Variants in COL4A1 observed in about 807,000 individuals in gnomAD.
COL4A1 encodes the protein collagen alpha-1(IV) chain.
A neutral mutation model predicts 216.6 loss-of-function variants in COL4A1; 40 were observed. That is an observed-to-expected ratio of 0.18 (90% CI 0.14 to 0.24). The LOEUF (loss-of-function observed/expected upper bound fraction) is 0.24. Among genes scored for constraint, COL4A1 ranks in the 10% least tolerant of loss-of-function variants. COL4A1 has a pLI of 1.00. For synonymous variants in COL4A1, 839 were observed against 810.7 expected, an observed-to-expected ratio of 1.03 and a Z score of -0.59; for missense variants, 1,628 against 2,196.8, an observed-to-expected ratio of 0.74 and a Z score of 5.18.
At chr13:110,180,108 T>C (rs1262458652) in intron 29 of COL4A1, among the ~76,000 whole-genome samples, 2 of 152,172 alleles carry the variant, frequency 1.3e-5, no homozygotes, top group Non-Finnish European at 2.9e-5. Context: ...TGGGCAGTGG[T>C]AACTTCCCTA....
Position 110,186,401 on chromosome 13 carries a change from T to C in COL4A1, c.1881A>G (p.Gly627=), listed in dbSNP as rs202093478. 182 of 1,613,328 alleles carry C rather than the reference T, an allele frequency of 1.1e-4. 2 individuals carry two copies. In the East Asian group the frequency reaches 3.5e-3, roughly 31 times the overall value. ...KGQAGFPGGP[G]SPGLPGPKGE... The stretch of plus-strand genomic sequence containing the variant: ...AGGCCTCACCTGGCAGGCCTGGGGA[T>C]CCAGGGCCTCCAGGAAAGCCTGCTT... Residue 627 remains glycine, a synonymous_variant, in exon 26 of 52, where the codon GGA becomes GGG. Coordinates refer to ENST00000375820, the MANE Select transcript of COL4A1 (RefSeq NM_001845.6).
chr13:110,161,516 A>G lies in COL4A1; in HGVS notation c.4463-147T>C. On this transcript the variant is annotated intron_variant, in intron 48 of 51. Transcript: ENST00000375820. ...AAATGTATAAAGGATTATGTAGGAC[A>G]TTTTTGATGAAAGGAAACAAAACCA... 2.9e-6 allele frequency: 3 copies of G among 1,029,448 alleles called. No individual in the cohort carries two copies. The South Asian group carries it at 4.3e-5, about 15-fold the overall frequency. 63.8% of individuals were successfully genotyped at this position (1,029,448 alleles called of 1,614,324 possible).
chr13:110,254,701 G>C (rs1436120703), intron 1 of COL4A1, among the ~76,000 whole-genome samples: 1 of 151,952 alleles, frequency 6.6e-6, no homozygotes, highest in Non-Finnish European at 1.5e-5. Context: ...CCCCAGAATA[G>C]CGACATCACT....
intron 1 of COL4A1, among the ~76,000 whole-genome samples, chr13:110,271,402 C>T (rs1233727880): frequency 6.6e-6 from 1 of 152,156 alleles, no homozygotes; most frequent in East Asian, 1.9e-4. Context: ...ACCACCTGAG[C>T]CAACCCTCAG....
Position 110,212,583 on chromosome 13 carries a change from T to C in COL4A1, c.315A>G (p.Pro105=). The change falls in exon 5 of 52, where the codon CCA becomes CCG. Residue 105 remains proline (P), a synonymous_variant. Transcript: ENST00000375820. ...CGTTTTCTATACATACGGGAAGTCC[T>C]GGGTTTCCAGGGTAGCCAGATGCTC... ...PPGASGYPGN[P]GLPGIPGQDG... 1.2e-6 allele frequency: 2 copies of C among 1,614,186 alleles called. No individual in the cohort carries two copies. Among genetic ancestry groups the C allele is most frequent in the Non-Finnish European group, 1.7e-6 (2 of 1,180,038 alleles).
In COL4A1 at chr13:110,268,753, C is replaced by T. The variant is rs992833761; in HGVS notation, c.85-26019G>A. ...AACACAACTGGGACAAGGAAATCAG[C>T]TGACTTCCAGGACCACACGCCTGGC... On this transcript the variant is annotated intron_variant, in intron 1 of 51. Transcript: ENST00000375820. This position sits in a 1 kb window ranked among gnomAD's most constrained non-coding sequence, Gnocchi z 4.1. 4.6e-5 allele frequency among the ~76,000 whole-genome samples: 7 copies of T among 152,326 alleles called. No individual in the cohort carries two copies. Among genetic ancestry groups the T allele is most frequent in the Admixed American group, 3.9e-4 (6 of 15,306 alleles).
At chr13:110,286,095 A>C (rs1045327771) in intron 1 of COL4A1, among the ~76,000 whole-genome samples, 5 of 152,084 alleles carry the variant, frequency 3.3e-5, no homozygotes, top group Admixed American at 1.3e-4. Context: ...GGAAGGAGGG[A>C]AAGGACTGGA....
At chr13:110,201,617 T>TGAAA in intron 18 of COL4A1, 95 bp from the exon 19 acceptor site, 2 of 1,104,384 alleles carry the variant, frequency 1.8e-6, no homozygotes, top group Non-Finnish European at 2.8e-6. Context: ...ACATATTTGT[T>TGAAA]TTTATTTCAA....
At chr13:110,264,709 CCT>C (rs959501977) in intron 1 of COL4A1, among the ~76,000 whole-genome samples, 2 of 152,100 alleles carry the variant, frequency 1.3e-5, no homozygotes, top group Non-Finnish European at 1.5e-5. Context: ...CTCTCCCTCT[CCT>C]CTCTCTCTGT....
chr13:110,233,718 G>T (rs1176564750), intron 2 of COL4A1, among the ~76,000 whole-genome samples: 1 of 152,268 alleles, frequency 6.6e-6, no homozygotes, highest in Admixed American at 6.5e-5. Flanking sequence ...CCACAACGTT[G>T]ATTAGAAATT....
intron 4 of COL4A1, 38 bp downstream of exon 4, chr13:110,213,744 G>C: frequency 6.2e-7 from 1 of 1,606,564 alleles, no homozygotes; most frequent in Middle Eastern, 1.7e-4. Flanking sequence ...CCTGTCCCAC[G>C]CATGGAATCA....
rs114101522 is a variant in COL4A1 at position 110,282,936 on chromosome 13, T to C, written c.84+24008A>G. 1.6e-3 allele frequency among the ~76,000 whole-genome samples: 250 copies of C among 152,376 alleles called. 1 individual carries two copies. The highest frequency in any genetic ancestry group is 5.4e-3 in the African/African-American group (226 of 41,594). Reference sequence around the variant, plus strand: ...CATTGCCCTCTCCAATCTTCCTGCATGTCTCCACATTTCAAAATCAAAATG... The same window carrying C: ...CATTGCCCTCTCCAATCTTCCTGCACGTCTCCACATTTCAAAATCAAAATG... On this transcript the variant is annotated intron_variant, in intron 1 of 51. Coordinates refer to ENST00000375820, the MANE Select transcript of COL4A1 (RefSeq NM_001845.6).
At chr13:110,299,100 G>C (rs1025380452) in intron 1 of COL4A1, among the ~76,000 whole-genome samples, 2 of 152,180 alleles carry the variant, frequency 1.3e-5, no homozygotes, top group Non-Finnish European at 2.9e-5. Flanking sequence ...AGAAATCAAC[G>C]GAAAAAGAAG....
At chr13:110,239,820 G>T (rs1486967404) in intron 2 of COL4A1, among the ~76,000 whole-genome samples, 1 of 152,170 alleles carries the variant, frequency 6.6e-6, no homozygotes, top group Non-Finnish European at 1.5e-5. Flanking sequence ...ACTTTGGGAT[G>T]AGAGAAAGGG....
At chr13:110,222,783 A>AAAAAAAAAAAT (rs1880563637) in intron 2 of COL4A1, among the ~76,000 whole-genome samples, 1 of 86,972 alleles carries the variant, frequency 1.1e-5, no homozygotes, top group Non-Finnish European at 2.8e-5. Context: ...AAAAAAAAAA[A>AAAAAAAAAAAT]AAAAAAAAAA....
Position 110,198,489 on chromosome 13 carries a change from G to A in COL4A1, c.1263C>T (p.Pro421=), listed in dbSNP as rs372894395. Reference sequence around the variant, plus strand: ...CACTTGTGTAGCCAGGCTGCCCAGGGGGCCCAGGGGAACCAGGAGGACCCG... The same window carrying A: ...CACTTGTGTAGCCAGGCTGCCCAGGAGGCCCAGGGGAACCAGGAGGACCCG... ...GLPGPPGSPG[P]PGQPGYTNGI... Residue 421 remains proline, a synonymous_variant, in exon 21 of 52, where the codon CCC becomes CCT. Coordinates refer to ENST00000375820, the MANE Select transcript of COL4A1 (RefSeq NM_001845.6). 28 of 1,613,248 alleles carry A rather than the reference G, an allele frequency of 1.7e-5. No homozygotes were observed. The highest frequency in any genetic ancestry group is 2.3e-5 in the Non-Finnish European group (27 of 1,179,566).
intron 2 of COL4A1, among the ~76,000 whole-genome samples, chr13:110,239,753 G>C (rs1410213127): frequency 6.6e-6 from 1 of 152,180 alleles, no homozygotes; most frequent in Non-Finnish European, 1.5e-5. Flanking sequence ...CAGCCACTGA[G>C]GAAGATCCAC....
At chr13:110,167,109 C>A (rs747077936) in intron 44 of COL4A1, 49 bp downstream of exon 44, 3 of 1,502,504 alleles carry the variant, frequency 2.0e-6, no homozygotes, top group Non-Finnish European at 2.8e-6. Flanking sequence ...GCTCTTCACA[C>A]AGCGTCTGCT....
chr13:110,213,634 T>G lies in COL4A1; in HGVS notation c.279+148A>C, dbSNP rs1879925575. 3 of 765,564 alleles carry G rather than the reference T, an allele frequency of 3.9e-6. 1 individual carries two copies. Among genetic ancestry groups the G allele is most frequent in the Non-Finnish European group, 6.8e-6 (3 of 441,220 alleles). 47.4% of individuals were successfully genotyped at this position (765,564 alleles called of 1,614,324 possible). On this transcript the variant is annotated intron_variant, in intron 4 of 51. Transcript: ENST00000375820. ...GAGTCACGGGCTGCTCCTCACTGCC[T>G]GCCTCGCGCCTGCCTGCCCGTGCTG...
Sources: gnomAD v4.1 joint callset for allele counts (sites outside exome capture counted in the v4.1 genomes callset) on GRCh38, gnomAD v4.1.1 for gene constraint, Gnocchi (gnomAD v3.1) non-coding constraint, MANE v1.5 for transcripts, NCBI Gene and HGNC (gene_info 2026-07-23, HGNC 2026-07-21) for gene names.